The following SCTR variants were observed in gnomAD, a reference collection of about 807,000 sequenced individuals.
SCTR encodes pancreatic secretin receptor.
A neutral mutation model predicts 60.8 loss-of-function variants in SCTR; 56 were observed. The ratio of observed to expected loss-of-function variants is 0.92; its 90% confidence interval spans 0.74 to 1.15. The LOEUF (loss-of-function observed/expected upper bound fraction) is 1.15, where lower values mean the gene tolerates loss of function less well. Among genes scored for constraint, SCTR ranks in the 50% most tolerant of loss-of-function variants. The pLI is 0.00. For missense variants in SCTR, 562 were observed against 550.4 expected (o/e 1.02, Z -0.21); for synonymous variants, 202 against 217.0 (o/e 0.93, Z 0.61).
intron 1 of SCTR, among the ~76,000 whole-genome samples, chr2:119,512,632 G>T (rs527758587): frequency 6.6e-6 from 1 of 152,092 alleles, no homozygotes; most frequent in East Asian, 1.9e-4. Context: ...CCTGACCTCA[G>T]GTGATCAACC....
intron 1 of SCTR, among the ~76,000 whole-genome samples, chr2:119,513,228 A>G (rs962796586): frequency 2.0e-5 from 3 of 151,798 alleles, no homozygotes; most frequent in African/African-American, 2.4e-5. Flanking sequence ...ATCACTTTTC[A>G]TTTTCCAAAG....
intron 1 of SCTR, among the ~76,000 whole-genome samples, chr2:119,502,976 C>A (rs1423472003): frequency 7.4e-6 from 1 of 134,822 alleles, no homozygotes; most frequent in African/African-American, 2.7e-5. Flanking sequence ...ACAGTGGAAC[C>A]TCATCTCTAC....
intron 1 of SCTR, among the ~76,000 whole-genome samples, chr2:119,508,210 G>A (rs777194243): frequency 3.3e-5 from 5 of 151,992 alleles, no homozygotes; most frequent in Non-Finnish European, 5.9e-5. Context: ...TGGATATTGC[G>A]GTGAACCATA....
At chr2:119,457,110 G>C (rs921885013) in intron 7 of SCTR, among the ~76,000 whole-genome samples, 3 of 152,128 alleles carry the variant, frequency 2.0e-5, no homozygotes, top group African/African-American at 7.2e-5. Context: ...AACTAATACA[G>C]CAGGAAACAA....
intron 7 of SCTR, among the ~76,000 whole-genome samples, chr2:119,460,876 G>A (rs541177026): frequency 1.5e-4 from 23 of 152,286 alleles, no homozygotes; most frequent in African/African-American, 4.8e-4. Flanking sequence ...TCAGGCCTCT[G>A]TGACTAGTTC....
intron 2 of SCTR, among the ~76,000 whole-genome samples, chr2:119,485,481 C>T (rs938280720): frequency 6.6e-6 from 1 of 152,234 alleles, no homozygotes; most frequent in Non-Finnish European, 1.5e-5. Flanking sequence ...ATTCACCTGG[C>T]ATGGAGCCTC....
chr2:119,473,838 A>G lies in SCTR; in HGVS notation c.302-282T>C, dbSNP rs181595535. ...GCTGCTCCTGATCCCAGGCCCTGCC[A>G]CCGTTTAACAGGTGGGTACCCCGGA... On this transcript the variant is annotated intron_variant, in intron 3 of 12. Transcript: ENST00000019103. 1.3e-4 allele frequency among the ~76,000 whole-genome samples: 20 copies of G among 152,216 alleles called. No homozygotes were observed. The Middle Eastern group carries it at 0.014, about 104-fold the overall frequency.
intron 2 of SCTR, among the ~76,000 whole-genome samples, chr2:119,485,059 G>T (rs1677806455): frequency 6.6e-6 from 1 of 152,232 alleles, no homozygotes; most frequent in Non-Finnish European, 1.5e-5. Flanking sequence ...GCCCAGGATA[G>T]ACAGGGCTCT....
chr2:119,484,540 G>A (rs760590686), intron 2 of SCTR, among the ~76,000 whole-genome samples: 4 of 152,084 alleles, frequency 2.6e-5, no homozygotes, highest in Admixed American at 6.6e-5. Flanking sequence ...ACCTCTGTGA[G>A]CCTCAGTTTC....
intron 10 of SCTR, among the ~76,000 whole-genome samples, chr2:119,447,623 G>T (rs377223123): frequency 6.6e-6 from 1 of 152,318 alleles, no homozygotes; most frequent in East Asian, 1.9e-4. Flanking sequence ...GCAGGCAGGA[G>T]TGCAGTGGCG....
chr2:119,516,864 C>T (rs138867678), intron 1 of SCTR, among the ~76,000 whole-genome samples: 78 of 152,164 alleles, frequency 5.1e-4, no homozygotes, highest in African/African-American at 1.8e-3. Flanking sequence ...GAGGCTGAGG[C>T]GGGAGGATCA....
At chr2:119,460,245 G>A (rs1338980100) in intron 7 of SCTR, among the ~76,000 whole-genome samples, 1 of 152,040 alleles carries the variant, frequency 6.6e-6, no homozygotes, top group Non-Finnish European at 1.5e-5. Flanking sequence ...AAAGGCACCA[G>A]GAAGAAACCA....
intron 1 of SCTR, among the ~76,000 whole-genome samples, chr2:119,519,810 CAAA>C (rs71396064): frequency 8.6e-5 from 5 of 58,278 alleles, no homozygotes; most frequent in South Asian, 7.1e-4. Context: ...GACTCTGTCT[CAAA>C]AAAAAAAAAA....
chr2:119,494,626 A>G (rs773375790), intron 1 of SCTR, 78 bp from the exon 2 acceptor site: 10 of 1,472,262 alleles, frequency 6.8e-6, no homozygotes, highest in Non-Finnish European at 9.4e-6. Flanking sequence ...GGGCAAGACA[A>G]TGCAGATTCA....
chr2:119,523,745 TTGTC>T (rs1336750273), intron 1 of SCTR, among the ~76,000 whole-genome samples: 4 of 152,162 alleles, frequency 2.6e-5, no homozygotes, highest in Admixed American at 2.6e-4. Context: ...TTTCCTTTCT[TTGTC>T]TGTAAAGTGA....
At chr2:119,501,819 T>A (rs1678562309) in intron 1 of SCTR, among the ~76,000 whole-genome samples, 1 of 151,994 alleles carries the variant, frequency 6.6e-6, no homozygotes, top group Non-Finnish European at 1.5e-5. Context: ...AACATGACTG[T>A]CTACATAGAA....
chr2:119,441,707 T>C, intron 11 of SCTR, 108 bp from the exon 12 acceptor site: 1 of 926,586 alleles, frequency 1.1e-6, no homozygotes. Flanking sequence ...AGCTACAGGC[T>C]CATTTCCCCA....
intron 11 of SCTR, among the ~76,000 whole-genome samples, chr2:119,444,123 G>A (rs1198427576): frequency 2.7e-5 from 4 of 147,586 alleles, no homozygotes; most frequent in Non-Finnish European, 5.9e-5. Flanking sequence ...TCATGTGTGT[G>A]TATATATAAG....
At chr2:119,452,362 G>A (rs892253786) in intron 8 of SCTR, among the ~76,000 whole-genome samples, 22 of 152,164 alleles carry the variant, frequency 1.4e-4, no homozygotes, top group African/African-American at 4.8e-4. Flanking sequence ...CAGCGAGCAC[G>A]GTGGCAAACT....
Sources: gnomAD v4.1 joint callset for allele counts (sites outside exome capture counted in the v4.1 genomes callset) on GRCh38, gnomAD v4.1.1 for gene constraint, MANE v1.5 for transcripts, NCBI Gene and HGNC (gene_info 2026-07-23, HGNC 2026-07-21) for gene names.